The following COL19A1 variants were observed in gnomAD, a reference collection of about 807,000 sequenced individuals.
COL19A1 encodes collagen type XIX alpha 1 chain.
Under a neutral mutation model 190.2 loss-of-function variants are expected in COL19A1, and 159 were observed. That is an observed-to-expected ratio of 0.84 (90% CI 0.73 to 0.95). The LOEUF (loss-of-function observed/expected upper bound fraction) is 0.95. Among genes scored for constraint, COL19A1 ranks in the 40% least tolerant of loss-of-function variants. The pLI is 0.00. For synonymous variants in COL19A1, 509 were observed against 458.9 expected (o/e 1.11, Z -1.39); for missense variants, 1,418 against 1,431.9 (o/e 0.99, Z 0.16).
intron 41 of COL19A1, among the ~76,000 whole-genome samples, chr6:70,176,051 G>T (rs802183): frequency 6.6e-6 from 1 of 152,006 alleles, no homozygotes; most frequent in Non-Finnish European, 1.5e-5. Context: ...CTTCTAATTG[G>T]CCAAATGAGA....
intron 14 of COL19A1, among the ~76,000 whole-genome samples, chr6:70,063,972 G>C (rs1781011748): frequency 1.3e-5 from 2 of 152,160 alleles, no homozygotes; most frequent in South Asian, 2.1e-4. Context: ...CTCTGAAATT[G>C]AGGCAATAAT....
intron 44 of COL19A1, 67 bp from the exon 45 acceptor site, chr6:70,184,636 T>G: frequency 7.8e-7 from 1 of 1,275,562 alleles, no homozygotes; most frequent in Non-Finnish European, 1.1e-6. Context: ...CTCGAAACCT[T>G]ATGCTTTTGT....
chr6:69,962,800 A>G, intron 10 of COL19A1, 26 bp from the exon 11 acceptor site: 2 of 1,550,716 alleles, frequency 1.3e-6, no homozygotes, highest in African/African-American at 1.4e-5. Context: ...TTTTATTACT[A>G]TACACATCAT....
At chr6:69,936,637 C>T (rs1451720514) in intron 7 of COL19A1, 148 bp from the exon 8 acceptor site, 8 of 941,884 alleles carry the variant, frequency 8.5e-6, no homozygotes, top group Non-Finnish European at 1.1e-5. Flanking sequence ...GTGTGATAAA[C>T]ATTCTCACAC....
At chr6:70,056,923 G>A (rs12193977) in intron 14 of COL19A1, among the ~76,000 whole-genome samples, 48,518 of 151,694 alleles carry the variant, frequency 0.32, 9,748 homozygotes, top group Non-Finnish European at 0.44. Flanking sequence ...CATGTAGTAT[G>A]TGAGTATTTC....
In COL19A1 at chr6:70,090,747, C is replaced by T. The variant is rs1411209784; in HGVS notation, c.1225-11422C>T. The stretch of plus-strand genomic sequence containing the variant: ...CCTATATAATATGACCTTTTTAAGA[C>T]GAAACTCCTAACGGCTTCACATCAC... On this transcript the variant is annotated intron_variant, in intron 15 of 50. Transcript: ENST00000620364. 4.6e-5 allele frequency among the ~76,000 whole-genome samples: 7 copies of T among 152,114 alleles called. No individual in the cohort carries two copies. In the South Asian group the frequency reaches 6.2e-4, roughly 13 times the overall value.
chr6:70,002,349 C>A (rs935561836), intron 11 of COL19A1, among the ~76,000 whole-genome samples: 1 of 152,118 alleles, frequency 6.6e-6, no homozygotes, highest in Admixed American at 6.5e-5. Flanking sequence ...TGTGTCTCTG[C>A]CCAGTTTTGG....
At chr6:70,075,667 A>G (rs551892290) in intron 15 of COL19A1, among the ~76,000 whole-genome samples, 1 of 152,288 alleles carries the variant, frequency 6.6e-6, no homozygotes, top group East Asian at 1.9e-4. Flanking sequence ...CAGCACAGCT[A>G]GTTACTGACA....
At chr6:70,045,174 A>ATGG (rs938437753) in intron 14 of COL19A1, among the ~76,000 whole-genome samples, 7 of 151,926 alleles carry the variant, frequency 4.6e-5, no homozygotes, top group African/African-American at 1.7e-4. Context: ...TTAGCCAGGC[A>ATGG]TGGTGGTGCA....
chr6:70,120,091 A>G (rs1784801221), intron 16 of COL19A1, among the ~76,000 whole-genome samples: 1 of 152,200 alleles, frequency 6.6e-6, no homozygotes, highest in East Asian at 1.9e-4. Context: ...ACTCTGTCTC[A>G]AAAAACAACA....
chr6:70,046,878 T>C (rs1315194234), intron 14 of COL19A1, among the ~76,000 whole-genome samples: 1 of 152,178 alleles, frequency 6.6e-6, no homozygotes, highest in Non-Finnish European at 1.5e-5. Flanking sequence ...AATAATGCAG[T>C]GATTCAGCTG....
At chr6:69,992,074 T>C (rs889047265) in intron 11 of COL19A1, among the ~76,000 whole-genome samples, 1 of 152,160 alleles carries the variant, frequency 6.6e-6, no homozygotes, top group African/African-American at 2.4e-5. Context: ...AGTTGATTTT[T>C]ATATATGGTG....
chr6:69,921,155 A>G (rs1244919080), intron 4 of COL19A1, among the ~76,000 whole-genome samples: 1 of 128,160 alleles, frequency 7.8e-6, no homozygotes. Context: ...CATATGTATC[A>G]CGTATATATT....
At chr6:70,052,132 C>T (rs188245786) in intron 14 of COL19A1, among the ~76,000 whole-genome samples, 9 of 152,158 alleles carry the variant, frequency 5.9e-5, no homozygotes, top group South Asian at 2.1e-4. Flanking sequence ...AGTGTGTCTC[C>T]GACTTTGGCC....
intron 14 of COL19A1, among the ~76,000 whole-genome samples, chr6:70,045,388 T>C (rs888343154): frequency 1.3e-5 from 2 of 151,984 alleles, no homozygotes; most frequent in East Asian, 3.9e-4. Context: ...CTTTGTTGAT[T>C]GTCTTTTCTC....
At chr6:70,075,133 G>C (rs1781808384) in intron 15 of COL19A1, among the ~76,000 whole-genome samples, 1 of 152,138 alleles carries the variant, frequency 6.6e-6, no homozygotes, top group Non-Finnish European at 1.5e-5. Context: ...ATGTCTCCAT[G>C]AGGATTATCT....
chr6:69,996,382 T>C (rs1776905414), intron 11 of COL19A1, among the ~76,000 whole-genome samples: 1 of 152,170 alleles, frequency 6.6e-6, no homozygotes, highest in Non-Finnish European at 1.5e-5. Flanking sequence ...AAGCTCTTAT[T>C]TTTCTTAGCC....
intron 34 of COL19A1, among the ~76,000 whole-genome samples, chr6:70,157,384 C>T (rs191771986): frequency 5.8e-4 from 89 of 152,222 alleles, no homozygotes; most frequent in Non-Finnish European, 7.5e-4. Flanking sequence ...TTCACATTAA[C>T]TCTTAGAAAA....
chr6:70,032,554 A>C (rs996296768), intron 12 of COL19A1, among the ~76,000 whole-genome samples: 3 of 152,182 alleles, frequency 2.0e-5, no homozygotes, highest in African/African-American at 7.2e-5. Flanking sequence ...ACTTTTAATA[A>C]TATGTTTTAT....
Sources: allele counts gnomAD v4.1 joint callset (sites outside exome capture counted in the v4.1 genomes callset), GRCh38; gene constraint gnomAD v4.1.1; transcripts MANE v1.5; gene names NCBI Gene and HGNC (gene_info 2026-07-23, HGNC 2026-07-21).